DNAH2: variants seen among roughly 807,000 people sequenced by gnomAD.
DNAH2 encodes dynein axonemal heavy chain 2.
A neutral mutation model predicts 523.5 loss-of-function variants in DNAH2; 323 were observed. That is an observed-to-expected ratio of 0.62 (90% CI 0.56 to 0.68). The LOEUF is 0.68. Among genes scored for constraint, DNAH2 ranks in the 30% least tolerant of loss-of-function variants. DNAH2 has a pLI of 0.00. For missense variants in DNAH2, 4,907 were observed against 5,701.5 expected (o/e 0.86, Z 4.49); for synonymous variants, 2,093 against 2,177.4 (o/e 0.96, Z 1.08).
intron 12 of DNAH2, among the ~76,000 whole-genome samples, chr17:7,750,183 C>T (rs907367423): frequency 1.3e-5 from 2 of 152,074 alleles, no homozygotes; most frequent in African/African-American, 4.8e-5. Flanking sequence ...TGTGCCTGGC[C>T]ACCTCATTAT....
intron 8 of DNAH2, chr17:7,739,132 G>A (rs563284484): frequency 9.4e-5 from 57 of 604,326 alleles, no homozygotes; most frequent in African/African-American, 7.8e-4. Flanking sequence ...ATGGCCAGGC[G>A]CGGTGGCTCA....
chr17:7,793,893 G>T (rs1198632139), intron 48 of DNAH2, among the ~76,000 whole-genome samples: 1 of 152,126 alleles, frequency 6.6e-6, no homozygotes, highest in African/African-American at 2.4e-5. Context: ...ACACACACAC[G>T]TGTATAGATA....
chr17:7,802,116 G>A (rs926803347), intron 58 of DNAH2, 99 bp downstream of exon 58: 1 of 1,498,224 alleles, frequency 6.7e-7, no homozygotes, highest in Non-Finnish European at 9.0e-7. Context: ...GAGACACAAA[G>A]GCCACAGTTC....
intron 48 of DNAH2, 84 bp from the exon 49 acceptor site, chr17:7,794,170 C>T: frequency 1.1e-6 from 1 of 949,838 alleles, no homozygotes; most frequent in Admixed American, 2.9e-5. Context: ...GTTTTCCTCC[C>T]ACTCCTTTTC....
chr17:7,734,579 C>A lies in DNAH2; in HGVS notation c.849C>A (p.Asn283Lys). ...GPLEEIEFWRNRCMDLSGISK... is the reference protein window; with the variant it reads ...GPLEEIEFWRKRCMDLSGISK... ...TGGAGGAGATTGAGTTCTGGCGCAA[C>A]CGATGCATGGACCTGTCTGGCATCA... Residue 283 changes from asparagine to lysine, a missense_variant, in exon 7 of 86, where the codon AAC becomes AAA. Asn to Lys is a moderately conservative substitution (Grantham distance 94). Around this residue, in one of 3 missense-constraint regions of DNAH2, gnomAD observed 2,806 missense variants for 3,190.8 expected, o/e 0.88. Coordinates refer to ENST00000572933, the MANE Select transcript of DNAH2 (RefSeq NM_020877.5). The A allele has an allele frequency of 6.2e-7, 1 of 1,613,596 alleles. No individual in the cohort carries two copies. The highest frequency in any genetic ancestry group is 8.5e-7 in the Non-Finnish European group (1 of 1,179,994).
At chr17:7,756,951 G>GT (rs1567646718) in intron 12 of DNAH2, 140 bp from the exon 13 acceptor site, 2 of 1,285,966 alleles carry the variant, frequency 1.6e-6, no homozygotes, top group African/African-American at 3.0e-5. Context: ...GATTACAGGC[G>GT]TGAGCCACCA....
chr17:7,751,150 CA>C (rs2075672329), intron 12 of DNAH2, among the ~76,000 whole-genome samples: 2 of 126,210 alleles, frequency 1.6e-5, no homozygotes, highest in Admixed American at 1.7e-4. Flanking sequence ...TTTATTTATT[CA>C]TTTTTTTTTT....
At chr17:7,741,659 CT>C (rs1459237390) in intron 11 of DNAH2, among the ~76,000 whole-genome samples, 2 of 149,760 alleles carry the variant, frequency 1.3e-5, no homozygotes, top group East Asian at 4.0e-4. Flanking sequence ...CGCCCGGCTT[CT>C]TTTTCTTTTT....
Position 7,807,515 on chromosome 17 carries a change from A to G in DNAH2, c.9658A>G (p.Met3220Val). 6.2e-7 allele frequency: 1 copy of G among 1,613,598 alleles called. No individual in the cohort carries two copies. The highest frequency in any genetic ancestry group is 8.5e-7 in the Non-Finnish European group (1 of 1,180,028). ...GGTGGTGGAGCCCAAGCGAATCCGA[A>G]TGAACGCTGCCTTGGCTCAGCTTCG... Reference protein sequence around the residue: ...YRVVEPKRIRMNAALAQLREK... With the variant: ...YRVVEPKRIRVNAALAQLREK... Residue 3220 changes from methionine to valine, a missense_variant, in exon 63 of 86, where the codon ATG becomes GTG. Met to Val is a conservative substitution (Grantham distance 21). Around this residue, in one of 3 missense-constraint regions of DNAH2, gnomAD observed 1,851 missense variants for 2,139.4 expected, o/e 0.87. Coordinates refer to ENST00000572933, the MANE Select transcript of DNAH2 (RefSeq NM_020877.5). This position sits in a 1 kb window ranked among gnomAD's most constrained non-coding sequence, Gnocchi z 5.6.
At chr17:7,773,877 C>T (rs2076382866) in intron 28 of DNAH2, among the ~76,000 whole-genome samples, 1 of 151,968 alleles carries the variant, frequency 6.6e-6, no homozygotes, top group African/African-American at 2.4e-5. Context: ...TTACAGGCAC[C>T]CGCCACCACG....
rs1269566211 is a variant in DNAH2 at position 7,831,110 on chromosome 17, C to A, written c.12255C>A (p.Phe4085Leu). The change falls in exon 80 of 86, where the codon TTC (phenylalanine) becomes TTA (leucine). Residue 4085 changes from phenylalanine (F) to leucine (L), a missense_variant. Phe to Leu is a conservative substitution (Grantham distance 22). Transcript: ENST00000572933. The surrounding 1 kb of genome is among the most constrained non-coding windows in gnomAD (Gnocchi z 4.2). ...GGTTGTCAGCACTGGAGACTTATTT[C>A]ATCCCCAAGGATGGCAGCCTCGCTT... ...FHRLSALETYFIPKDGSLASY... is the reference protein window; with the variant it reads ...FHRLSALETYLIPKDGSLASY... The A allele has an allele frequency of 1.9e-6, 3 of 1,613,802 alleles. No individual in the cohort carries two copies. The South Asian group carries it at 3.3e-5, about 18-fold the overall frequency.
Position 7,821,162 on chromosome 17 carries a change from A to C in DNAH2, c.11016-81A>C. ...GAGGTCCTCTGTGTGAAGCTGTGTG[A>C]TAGTAGCATCATAGCATTCGCATGG... On this transcript the variant is annotated intron_variant, in intron 72 of 85. Transcript: ENST00000572933. This position sits in a 1 kb window ranked among gnomAD's most constrained non-coding sequence, Gnocchi z 5.0. The C allele has an allele frequency of 6.5e-7, 1 of 1,543,728 alleles. No homozygotes were observed. Among genetic ancestry groups the C allele is most frequent in the Non-Finnish European group, 8.8e-7 (1 of 1,139,396 alleles).
At chr17:7,782,230 C>T (rs1200037702) in intron 39 of DNAH2, among the ~76,000 whole-genome samples, 1 of 152,094 alleles carries the variant, frequency 6.6e-6, no homozygotes, top group East Asian at 1.9e-4. Context: ...GGGCAACATC[C>T]CCAGTAGATG....
intron 35 of DNAH2, 74 bp from the exon 36 acceptor site, chr17:7,779,169 A>C: frequency 6.4e-7 from 1 of 1,552,946 alleles, no homozygotes; most frequent in Non-Finnish European, 8.8e-7. Flanking sequence ...ATTTGAAGGA[A>C]GGGTGCGTTA....
intron 4 of DNAH2, 125 bp downstream of exon 4, chr17:7,727,417 G>C (rs1202634550): frequency 7.8e-7 from 1 of 1,279,486 alleles, no homozygotes; most frequent in Non-Finnish European, 1.1e-6. Context: ...ACTGTGTCAG[G>C]CACCCTACTT....
In DNAH2 at chr17:7,832,740, A is replaced by T. The variant is rs2078218650; in HGVS notation, c.12888A>T (p.Ser4296=). ...TGFLTAVLQS[S]ARQNNVSVDS... ...TCCTCACTGCTGTGCTGCAGTCTTC[A>T]GCTCGCCAAAACAACGTGAGCAATG... The change falls in exon 83 of 86, where the codon TCA becomes TCT. Residue 4296 remains serine, a synonymous_variant. Transcript: ENST00000572933. This position sits in a 1 kb window ranked among gnomAD's most constrained non-coding sequence, Gnocchi z 4.3. 1.2e-6 allele frequency: 2 copies of T among 1,614,070 alleles called. No homozygotes were observed. The highest frequency in any genetic ancestry group is 4.5e-5 in the East Asian group (2 of 44,868).
In DNAH2 at chr17:7,740,965, C is replaced by G. The variant is rs754616982; in HGVS notation, c.1662C>G (p.Leu554=). 3.1e-6 allele frequency: 5 copies of G among 1,606,462 alleles called. No homozygotes were observed. Among genetic ancestry groups the G allele is most frequent in the Admixed American group, 1.7e-5 (1 of 59,874 alleles). The change falls in exon 11 of 86, where the codon CTC becomes CTG. Residue 554 remains leucine (L), a synonymous_variant. Coordinates refer to ENST00000572933, the MANE Select transcript of DNAH2 (RefSeq NM_020877.5). The stretch of plus-strand genomic sequence containing the variant: ...GAAAGGCGCGCTGGGTGCACATCCT[C>G]CGGCGTCGCATCGACAGAGTCATGA... ...YSGKARWVHI[L]RRRIDRVMTC...
At chr17:7,758,352 C>G in intron 13 of DNAH2, 143 bp from the exon 14 acceptor site, 5 of 1,093,814 alleles carry the variant, frequency 4.6e-6, no homozygotes, top group Non-Finnish European at 6.4e-6. Context: ...GCAAAAAGTT[C>G]TTTTGGAAGT....
chr17:7,806,442 G>A (rs1230169584), intron 61 of DNAH2, among the ~76,000 whole-genome samples: 5 of 152,032 alleles, frequency 3.3e-5, no homozygotes, highest in African/African-American at 1.2e-4. Flanking sequence ...TGGATCACGA[G>A]GTCAGGAGAT....
Sources: gnomAD v4.1 joint callset for allele counts (sites outside exome capture counted in the v4.1 genomes callset) on GRCh38, gnomAD v4.1.1 for gene constraint, gnomAD v4.1.1 regional missense constraint, Gnocchi (gnomAD v3.1) non-coding constraint, MANE v1.5 for transcripts, NCBI Gene and HGNC (gene_info 2026-07-23, HGNC 2026-07-21) for gene names.